Variants in PDE11A observed in about 807,000 individuals in gnomAD.
PDE11A encodes the protein dual 3',5'-cyclic-AMP and -GMP phosphodiesterase 11A.
Under a neutral mutation model 100.5 loss-of-function variants are expected in PDE11A, and 100 were observed. The ratio of observed to expected loss-of-function variants is 1.00; its 90% confidence interval spans 0.85 to 1.18. The LOEUF (loss-of-function observed/expected upper bound fraction) is 1.18. Among genes scored for constraint, PDE11A ranks in the 50% most tolerant of loss-of-function variants. The probability of loss-of-function intolerance (pLI) is 0.00; values close to 1 mark genes in which losing one functional copy is unlikely to be tolerated. For synonymous variants in PDE11A, 381 were observed against 420.8 expected (o/e 0.91, Z 1.16); for missense variants, 1,141 against 1,152.6 (o/e 0.99, Z 0.15).
chr2:177,878,395 A>G (rs911091799), intron 4 of PDE11A, among the ~76,000 whole-genome samples: 1 of 152,134 alleles, frequency 6.6e-6, no homozygotes, highest in African/African-American at 2.4e-5. Context: ...GACATGCTAC[A>G]TGCCTTCCAA....
intron 2 of PDE11A, among the ~76,000 whole-genome samples, chr2:177,941,726 T>C (rs1395161217): frequency 1.3e-5 from 2 of 152,204 alleles, no homozygotes; most frequent in East Asian, 3.8e-4. Flanking sequence ...TAGGGAAAAG[T>C]AACATGTTCT....
At chr2:177,935,832 G>A (rs2085265279) in intron 2 of PDE11A, among the ~76,000 whole-genome samples, 1 of 152,170 alleles carries the variant, frequency 6.6e-6, no homozygotes. Flanking sequence ...GAGTAATAGG[G>A]ATCTTAGCCC....
chr2:177,986,577 A>G (rs1485560700), intron 2 of PDE11A, among the ~76,000 whole-genome samples: 1 of 152,166 alleles, frequency 6.6e-6, no homozygotes, highest in Non-Finnish European at 1.5e-5. Context: ...CACGCCTGCA[A>G]TCCCAGCACT....
At chr2:178,105,395 G>A (rs2087606236) in intron 1 of PDE11A, among the ~76,000 whole-genome samples, 1 of 152,140 alleles carries the variant, frequency 6.6e-6, no homozygotes, top group Non-Finnish European at 1.5e-5. Flanking sequence ...GGAGGCGGAG[G>A]TTGCAGTAAG....
chr2:177,955,858 T>C (rs1356863519), intron 2 of PDE11A, among the ~76,000 whole-genome samples: 1 of 152,176 alleles, frequency 6.6e-6, no homozygotes, highest in African/African-American at 2.4e-5. Context: ...GCTAGACATA[T>C]GTAGAAAGCT....
At chr2:177,630,487 G>T (rs1223881875) in intron 19 of PDE11A, among the ~76,000 whole-genome samples, 1 of 152,122 alleles carries the variant, frequency 6.6e-6, no homozygotes, top group Non-Finnish European at 1.5e-5. Context: ...GGGGTAACAT[G>T]GGGGCAGGGC....
intron 2 of PDE11A, among the ~76,000 whole-genome samples, chr2:178,008,708 T>C (rs1052991382): frequency 3.3e-5 from 5 of 152,152 alleles, no homozygotes; most frequent in Non-Finnish European, 5.9e-5. Context: ...CCGCAGAGAC[T>C]CATTAGCATC....
chr2:178,094,300 G>C (rs183877614), intron 2 of PDE11A, among the ~76,000 whole-genome samples: 4 of 152,196 alleles, frequency 2.6e-5, no homozygotes, highest in South Asian at 4.2e-4. Context: ...AGCCTGAGGC[G>C]GGTGGATCGC....
chr2:177,877,311 C>T (rs957369453), intron 4 of PDE11A, among the ~76,000 whole-genome samples: 3 of 123,638 alleles, frequency 2.4e-5, no homozygotes, highest in Admixed American at 7.3e-5. Context: ...ATTACAGGGG[C>T]GTGTCATCAT....
chr2:177,642,791 C>T (rs927051066), intron 19 of PDE11A, among the ~76,000 whole-genome samples: 39 of 152,300 alleles, frequency 2.6e-4, no homozygotes, highest in Middle Eastern at 3.4e-3. Flanking sequence ...TTGTAACCTC[C>T]GCCTAGGTTT....
chr2:177,988,125 C>T (rs2085962277), intron 2 of PDE11A, among the ~76,000 whole-genome samples: 1 of 152,172 alleles, frequency 6.6e-6, no homozygotes, highest in African/African-American at 2.4e-5. Context: ...AGGCCTGGAT[C>T]AATAAACACA....
At chr2:177,681,919 G>A (rs2080871681) in intron 15 of PDE11A, among the ~76,000 whole-genome samples, 2 of 152,128 alleles carry the variant, frequency 1.3e-5, no homozygotes, top group African/African-American at 4.8e-5. Context: ...GACATATTTT[G>A]AAATGGCCTT....
chr2:177,810,849 A>T (rs939433244), intron 9 of PDE11A, among the ~76,000 whole-genome samples: 1 of 152,166 alleles, frequency 6.6e-6, no homozygotes, highest in African/African-American at 2.4e-5. Flanking sequence ...GCCCTTAAGT[A>T]GGATGGTTGC....
intron 3 of PDE11A, among the ~76,000 whole-genome samples, chr2:177,902,314 T>C (rs574076065): frequency 2.2e-4 from 34 of 152,070 alleles, no homozygotes; most frequent in African/African-American, 4.8e-4. Context: ...CCCAAACCTA[T>C]AAGAAACAAT....
At chr2:177,924,775 T>C (rs1574283053) in intron 2 of PDE11A, among the ~76,000 whole-genome samples, 1 of 150,900 alleles carries the variant, frequency 6.6e-6, no homozygotes, top group Non-Finnish European at 1.5e-5. Flanking sequence ...CATGTGCACA[T>C]TGTGCAGGTT....
chr2:177,750,095 C>T (rs144923048), intron 10 of PDE11A, among the ~76,000 whole-genome samples: 1,693 of 152,280 alleles, frequency 0.011, 34 homozygotes, highest in African/African-American at 0.036. Context: ...GTTAGTACAT[C>T]GTTAATTTCT....
rs529882018 is a variant in PDE11A at position 177,862,704 on chromosome 2, G to C, written c.1367+13155C>G. ...TGAAGAAAATACAAATAAATGGAAA[G>C]ATATCCTATGCTCCTGGATTGGAAG... On this transcript the variant is annotated intron_variant, in intron 5 of 19. Coordinates refer to ENST00000286063, the MANE Select transcript of PDE11A (RefSeq NM_016953.4). Among the ~76,000 whole-genome samples, 3 of 151,874 alleles carry C rather than the reference G, an allele frequency of 2.0e-5. No individual in the cohort carries two copies. The South Asian group carries it at 6.2e-4, about 31-fold the overall frequency.
chr2:177,999,393 A>G (rs1449582792), intron 2 of PDE11A, among the ~76,000 whole-genome samples: 2 of 152,274 alleles, frequency 1.3e-5, no homozygotes, highest in Admixed American at 1.3e-4. Context: ...TACCTATAAC[A>G]AATTTCAGTT....
At chr2:177,678,728 C>G (rs935830236) in intron 16 of PDE11A, among the ~76,000 whole-genome samples, 4 of 152,166 alleles carry the variant, frequency 2.6e-5, no homozygotes, top group Non-Finnish European at 4.4e-5. Flanking sequence ...TTTTATGTAA[C>G]ATGCTTCCAA....
Sources: gnomAD v4.1 joint callset for allele counts (sites outside exome capture counted in the v4.1 genomes callset) on GRCh38, gnomAD v4.1.1 for gene constraint, MANE v1.5 for transcripts, NCBI Gene and HGNC (gene_info 2026-07-23, HGNC 2026-07-21) for gene names.